VPS26B: variants seen among roughly 807,000 people sequenced by gnomAD.
The protein encoded by VPS26B is VPS26 retromer complex component B, also known as vacuolar protein sorting-associated protein 26B.
Under a neutral mutation model 33.3 loss-of-function variants are expected in VPS26B, and 10 were observed. The ratio of observed to expected loss-of-function variants is 0.30; its 90% CI spans 0.19 to 0.51. VPS26B has a LOEUF of 0.51. Ranked by LOEUF, VPS26B falls within the 20% of genes least tolerant of loss-of-function variation. The pLI is 0.98. For synonymous variants in VPS26B, 190 were observed against 176.9 expected, an observed-to-expected ratio of 1.07 and a Z score of -0.59; for missense variants, 317 against 452.7, an observed-to-expected ratio of 0.70 and a Z score of 2.72.
At chr11:134,241,932 G>A (rs1938732542) in intron 3 of VPS26B, among the ~76,000 whole-genome samples, 1 of 152,266 alleles carries the variant, frequency 6.6e-6, no homozygotes, top group Admixed American at 6.5e-5. Flanking sequence ...CAAACACACA[G>A]AAAGTGTGAG....
At chr11:134,225,933 C>T (rs1343004668) in intron 1 of VPS26B, among the ~76,000 whole-genome samples, 1 of 152,118 alleles carries the variant, frequency 6.6e-6, no homozygotes, top group East Asian at 1.9e-4. Context: ...GAAAGAAGAC[C>T]CATAATCTTC....
At chr11:134,229,915 C>T (rs1202690354) in intron 1 of VPS26B, among the ~76,000 whole-genome samples, 1 of 152,226 alleles carries the variant, frequency 6.6e-6, no homozygotes, top group Non-Finnish European at 1.5e-5. Flanking sequence ...TCCCCTAACC[C>T]TTCACTCTCA....
Position 134,240,266 on chromosome 11 carries a change from A to G in VPS26B, c.545+111A>G. On this transcript the variant is annotated intron_variant, in intron 3 of 5. Transcript: ENST00000281187. This position sits in a 1 kb window ranked among gnomAD's most constrained non-coding sequence, Gnocchi z 4.4. ...TGTGACTCGACTGCTTTGTGGTGGC[A>G]TGCGGTGGGGGAAGACCGTGGGAGC... 1 of 1,283,692 alleles carries G rather than the reference A, an allele frequency of 7.8e-7. No individual in the cohort carries two copies. The highest frequency in any genetic ancestry group is 1.1e-6 in the Non-Finnish European group (1 of 910,052). The allele number at this position is 1,283,692 out of a possible 1,614,324, so 79.5% of individuals were successfully genotyped here.
chr11:134,243,533 A>T, intron 4 of VPS26B: 1 of 539,458 alleles, frequency 1.9e-6, no homozygotes, highest in Non-Finnish European at 3.3e-6. Flanking sequence ...CTTGGATTAT[A>T]TATCGGGCTT....
chr11:134,245,012 T>G lies in VPS26B; in HGVS notation c.796T>G (p.Phe266Val). Reference sequence around the variant, plus strand: ...CACCATGCGGGACATCAACAAGAAGTTCTCTGTGCGCTATTACCTCAACCT... The same window carrying G: ...CACCATGCGGGACATCAACAAGAAGGTCTCTGTGCGCTATTACCTCAACCT... ...TPTMRDINKK[F>V]SVRYYLNLVL... The change falls in exon 5 of 6, where the codon TTC becomes GTC. Residue 266 changes from phenylalanine (F) to valine (V), a missense_variant. Phe to Val is a conservative substitution (Grantham distance 50). Coordinates refer to ENST00000281187, the MANE Select transcript of VPS26B (RefSeq NM_052875.5). This position sits in a 1 kb window ranked among gnomAD's most constrained non-coding sequence, Gnocchi z 4.7. 1 of 1,614,064 alleles carries G rather than the reference T, an allele frequency of 6.2e-7. No homozygotes were observed. Among genetic ancestry groups the G allele is most frequent in the Non-Finnish European group, 8.5e-7 (1 of 1,180,012 alleles).
chr11:134,236,401 G>A (rs1355218426), intron 2 of VPS26B: 1 of 152,048 alleles, frequency 6.6e-6, no homozygotes, highest in Admixed American at 6.5e-5. Context: ...GTATAGCAGT[G>A]CCTCAAAAAA....
In VPS26B at chr11:134,245,716, C is replaced by A; in HGVS notation, c.*126C>A. 2 of 1,266,644 alleles carry A rather than the reference C, an allele frequency of 1.6e-6. No homozygotes were observed. Among genetic ancestry groups the A allele is most frequent in the Non-Finnish European group, 2.1e-6 (2 of 942,314 alleles). The allele number at this position is 1,266,644 out of a possible 1,614,324, so 78.5% of individuals were successfully genotyped here. On this transcript the variant is annotated 3_prime_UTR_variant, in exon 6 of 6. Coordinates refer to ENST00000281187, the MANE Select transcript of VPS26B (RefSeq NM_052875.5). This position sits in a 1 kb window ranked among gnomAD's most constrained non-coding sequence, Gnocchi z 4.7. ...CGTTACTTGCAACCTGAAAACAAAT[C>A]ATGTTTTTGACTTAAATTCTTTTCT...
intron 2 of VPS26B, 31 bp downstream of exon 2, chr11:134,235,084 C>T: frequency 1.9e-6 from 3 of 1,600,518 alleles, no homozygotes; most frequent in South Asian, 2.2e-5. Flanking sequence ...CCCCACTGTA[C>T]CCTAGAACCT....
rs1050572926 is a variant in VPS26B at position 134,243,424 on chromosome 11, C to T, written c.721+130C>T. On this transcript the variant is annotated intron_variant, in intron 4 of 5. Transcript: ENST00000281187. ...CTTAACCTGTAACTTCTTAATCTCT[C>T]AGTTTACACCGTGGGTGGCCATAAG... 3 of 1,124,334 alleles carry T rather than the reference C, an allele frequency of 2.7e-6. No individual in the cohort carries two copies. The African/African-American group carries it at 4.7e-5, about 18-fold the overall frequency. The allele number at this position is 1,124,334 out of a possible 1,614,324, so 69.6% of individuals were successfully genotyped here.
chr11:134,229,869 T>C (rs906326695), intron 1 of VPS26B, among the ~76,000 whole-genome samples: 1 of 152,194 alleles, frequency 6.6e-6, no homozygotes, highest in Non-Finnish European at 1.5e-5. Flanking sequence ...TCCAAATCCC[T>C]CCTGCTCTGG....
chr11:134,225,200 G>A lies in VPS26B; in HGVS notation c.78G>A (p.Glu26=), dbSNP rs748498512. The A allele has an allele frequency of 2.5e-6, 4 of 1,614,156 alleles. No individual in the cohort carries two copies. The highest frequency in any genetic ancestry group is 2.5e-6 in the Non-Finnish European group (3 of 1,179,982). The part of the protein sequence containing the change: ...LNDAESRKRA[E]HKTEDGKKEK... ...ATGCAGAGAGTAGGAAGCGGGCCGA[G>A]CACAAGACGGAGGACGGGAAGAAGG... Residue 26 remains glutamate, a synonymous_variant, in exon 1 of 6, where the codon GAG becomes GAA. Transcript: ENST00000281187.
chr11:134,244,645 C>A lies in VPS26B; in HGVS notation c.722-293C>A. ...CTTTTGAAAACCCCAAAACTAAACA[C>A]ACTGCATGTAATCAAAAGATGCTTA... On this transcript the variant is annotated intron_variant, in intron 4 of 5. Coordinates refer to ENST00000281187, the MANE Select transcript of VPS26B (RefSeq NM_052875.5). The surrounding 1 kb of genome is among the most constrained non-coding windows in gnomAD (Gnocchi z 4.0). The A allele has an allele frequency of 3.4e-6, 1 of 290,054 alleles. No individual in the cohort carries two copies. Among genetic ancestry groups the A allele is most frequent in the Non-Finnish European group, 6.4e-6 (1 of 156,398 alleles). 18.0% of individuals were successfully genotyped at this position (290,054 alleles called of 1,614,324 possible). A position where few individuals can be genotyped will look rare whatever the true frequency, so the allele number is the denominator to read the frequency against.
At chr11:134,239,042 CTCAT>C (rs1258809538) in intron 2 of VPS26B, among the ~76,000 whole-genome samples, 1 of 152,124 alleles carries the variant, frequency 6.6e-6, no homozygotes, top group East Asian at 1.9e-4. Context: ...AGAGCTCCTC[CTCAT>C]TGAGTGTTAG....
chr11:134,225,425 G>A (rs1022055851), intron 1 of VPS26B, 80 bp downstream of exon 1: 9 of 1,402,266 alleles, frequency 6.4e-6, no homozygotes, highest in African/African-American at 1.4e-5. Flanking sequence ...CAGCTCCTCC[G>A]GCGAGGCCTG....
At chr11:134,239,147 T>C (rs1938680394) in intron 2 of VPS26B, among the ~76,000 whole-genome samples, 1 of 152,086 alleles carries the variant, frequency 6.6e-6, no homozygotes, top group Admixed American at 6.6e-5. Flanking sequence ...CTCTGTCTTC[T>C]CTCTCATCCC....
chr11:134,239,417 T>C (rs1306929865), intron 2 of VPS26B, among the ~76,000 whole-genome samples: 1 of 152,236 alleles, frequency 6.6e-6, no homozygotes, highest in African/African-American at 2.4e-5. Context: ...GCCCAGTGCT[T>C]AGCTCAGTAA....
Position 134,245,174 on chromosome 11 carries a change from G to A in VPS26B, c.864+94G>A. 1 of 1,519,820 alleles carries A rather than the reference G, an allele frequency of 6.6e-7. No homozygotes were observed. The highest frequency in any genetic ancestry group is 8.8e-7 in the Non-Finnish European group (1 of 1,134,922). 94.1% of individuals were successfully genotyped at this position (1,519,820 alleles called of 1,614,324 possible). On this transcript the variant is annotated intron_variant, in intron 5 of 5. Transcript: ENST00000281187. The surrounding 1 kb of genome is among the most constrained non-coding windows in gnomAD (Gnocchi z 4.7). Reference sequence around the variant, plus strand: ...GGTCAGACTCCATTTTTGCCAAGAGGTGGGAACATTAGGTCGCCCACAATT... The same window carrying A: ...GGTCAGACTCCATTTTTGCCAAGAGATGGGAACATTAGGTCGCCCACAATT...
At chr11:134,226,869 A>G (rs1485424689) in intron 1 of VPS26B, among the ~76,000 whole-genome samples, 1 of 152,190 alleles carries the variant, frequency 6.6e-6, no homozygotes, top group Non-Finnish European at 1.5e-5. Context: ...GTATTTAAGA[A>G]CATGAAATCA....
chr11:134,245,322 G>C lies in VPS26B; in HGVS notation c.865-122G>C. ...GAGGTGCTGGCAGCTGCTGCCTTTG[G>C]TGAGAGAGAAGCAGAGGAGGTCCTT... On this transcript the variant is annotated intron_variant, in intron 5 of 5. Coordinates refer to ENST00000281187, the MANE Select transcript of VPS26B (RefSeq NM_052875.5). This position sits in a 1 kb window ranked among gnomAD's most constrained non-coding sequence, Gnocchi z 4.7. 1.4e-6 allele frequency: 2 copies of C among 1,447,590 alleles called. No individual in the cohort carries two copies. The highest frequency in any genetic ancestry group is 1.9e-6 in the Non-Finnish European group (2 of 1,067,288). 89.7% of individuals were successfully genotyped at this position (1,447,590 alleles called of 1,614,324 possible).
Sources: gnomAD v4.1 joint callset for allele counts (sites outside exome capture counted in the v4.1 genomes callset) on GRCh38, gnomAD v4.1.1 for gene constraint, Gnocchi (gnomAD v3.1) non-coding constraint, MANE v1.5 for transcripts, NCBI Gene and HGNC (gene_info 2026-07-23, HGNC 2026-07-21) for gene names.